SEC24C: variants seen among roughly 807,000 people sequenced by gnomAD.
SEC24C encodes SEC24 homolog C, COPII component.
In SEC24C, 22 loss-of-function variants were observed where a neutral mutation model predicts 117.0. The observed-to-expected ratio is 0.19, with a 90% CI of 0.13 to 0.27. The LOEUF (loss-of-function observed/expected upper bound fraction) is 0.27. Ranked by LOEUF, SEC24C falls within the 10% of genes least tolerant of loss-of-function variation. The pLI is 1.00. For synonymous variants in SEC24C, 506 were observed against 529.4 expected (o/e 0.96, Z 0.61); for missense variants, 1,155 against 1,375.1 (o/e 0.84, Z 2.53).
At position 73,751,121 on chromosome 10, in the gene SEC24C, C is replaced by T. The variant is rs377677743; in HGVS notation, c.186C>T (p.Ala62=). 6.2e-7 allele frequency: 1 copy of T among 1,613,982 alleles called. No homozygotes were observed. The highest frequency in any genetic ancestry group is 8.5e-7 in the Non-Finnish European group (1 of 1,179,894). Residue 62 remains alanine, a synonymous_variant, in exon 3 of 23, where the codon GCC becomes GCT. Transcript: ENST00000345254. ...QQTPPQGMSR[A]PPSSGAPPAS... ...CTTTACCCTCAGGTATGTCAAGAGC[C>T]CCACCTTCCTCGGGGGCACCTCCAG...
At chr10:73,764,341 G>A (rs915319225) in intron 8 of SEC24C, among the ~76,000 whole-genome samples, 7 of 152,074 alleles carry the variant, frequency 4.6e-5, no homozygotes, top group African/African-American at 7.2e-5. Context: ...TGGCTAACAC[G>A]GTGAAACCCC....
intron 3 of SEC24C, among the ~76,000 whole-genome samples, chr10:73,753,175 G>A (rs1206251989): frequency 2.6e-5 from 4 of 151,908 alleles, no homozygotes; most frequent in East Asian, 1.9e-4. Flanking sequence ...TCAGCCTCCC[G>A]AGTAGCTGGG....
intron 15 of SEC24C, among the ~76,000 whole-genome samples, chr10:73,768,243 G>A (rs2082916077): frequency 6.6e-6 from 1 of 152,184 alleles, no homozygotes; most frequent in Admixed American, 6.5e-5. Context: ...AATTAGTCGG[G>A]TGTGGTGGCG....
rs1212568826 is a variant in SEC24C, at chr10:73,765,576, C to G, written c.1353C>G (p.Ser451Arg). ...GGCGTTTCCAGTGCTGTTTTTGCAG[C>G]TGTATCAATGATGGTATGTTCATGG... The part of the protein sequence containing the change: ...GGRRFQCCFC[S>R]CINDVPPQYF... Residue 451 changes from serine (S) to arginine (R), a missense_variant, in exon 9 of 23, where the codon AGC becomes AGG. This residue lies in a region of SEC24C where 759 missense variants were observed against 992.3 expected (regional missense o/e 0.76). Coordinates refer to ENST00000345254, the MANE Select transcript of SEC24C (RefSeq NM_198597.3). The G allele has an allele frequency of 6.2e-7, 1 of 1,613,624 alleles. No individual in the cohort carries two copies. The highest frequency in any genetic ancestry group is 8.5e-7 in the Non-Finnish European group (1 of 1,179,652).
intron 1 of SEC24C, among the ~76,000 whole-genome samples, chr10:73,745,239 G>A (rs2082528617): frequency 6.6e-6 from 1 of 152,082 alleles, no homozygotes; most frequent in African/African-American, 2.4e-5. Flanking sequence ...TTCTTGGAAG[G>A]ACCCTGTTTA....
intron 3 of SEC24C, 32 bp from the exon 4 acceptor site, chr10:73,759,590 A>G: frequency 6.8e-7 from 1 of 1,471,290 alleles, no homozygotes; most frequent in Non-Finnish European, 9.0e-7. Context: ...TCCTGGCCCC[A>G]CTAGTCACCT....
In SEC24C at chr10:73,760,757, C is replaced by T; in HGVS notation, c.895C>T (p.Pro299Ser). 6.2e-7 allele frequency: 1 copy of T among 1,613,944 alleles called. No individual in the cohort carries two copies. The highest frequency in any genetic ancestry group is 8.5e-7 in the Non-Finnish European group (1 of 1,179,958). The change falls in exon 6 of 23, where the codon CCC (proline) becomes TCC (serine). Residue 299 changes from proline (P) to serine (S), a missense_variant. By Grantham distance (74) the Pro-to-Ser change is moderately conservative. Coordinates refer to ENST00000345254, the MANE Select transcript of SEC24C (RefSeq NM_198597.3). ...ARGPQSNYGG[P>S]YPAAPTFGSQ... ...GGGCCCTCAGTCTAATTATGGAGGC[C>T]CCTACCCAGCAGCACCCACCTTTGG...
chr10:73,760,169 C>T lies in SEC24C; in HGVS notation c.633C>T (p.Ser211=), dbSNP rs781173218. The T allele has an allele frequency of 6.2e-7, 1 of 1,614,182 alleles. No homozygotes were observed. Among genetic ancestry groups the T allele is most frequent in the Non-Finnish European group, 8.5e-7 (1 of 1,180,030 alleles). Residue 211 remains serine, a synonymous_variant, in exon 5 of 23, where the codon TCC becomes TCT. Coordinates refer to ENST00000345254, the MANE Select transcript of SEC24C (RefSeq NM_198597.3). ...TPQRSAPSQA[S]SFTPPASGGP... Reference sequence around the variant, plus strand: ...AGCGATCTGCCCCATCACAGGCCTCCAGCTTCACACCCCCAGCTTCAGGGG... The same window carrying T: ...AGCGATCTGCCCCATCACAGGCCTCTAGCTTCACACCCCCAGCTTCAGGGG...
At chr10:73,747,091 C>G (rs2082566267) in intron 2 of SEC24C, 87 bp downstream of exon 2, 1 of 1,282,748 alleles carries the variant, frequency 7.8e-7, no homozygotes. Flanking sequence ...GCTAAGCTAC[C>G]TGAGAAGTTT....
chr10:73,771,240 T>G lies in SEC24C; in HGVS notation c.*145T>G. 3 of 916,304 alleles carry G rather than the reference T, an allele frequency of 3.3e-6. No individual in the cohort carries two copies. Among genetic ancestry groups the G allele is most frequent in the Non-Finnish European group, 3.2e-6 (2 of 615,688 alleles). The allele number at this position is 916,304 out of a possible 1,614,324, so 56.8% of individuals were successfully genotyped here. On this transcript the variant is annotated 3_prime_UTR_variant, in exon 23 of 23. Transcript: ENST00000345254. Reference sequence around the variant, plus strand: ...GGGAGATATAAGGAGACACCTTCTTTCTGGGCTCAAGTATCCTGCCACTCT... The same window carrying G: ...GGGAGATATAAGGAGACACCTTCTTGCTGGGCTCAAGTATCCTGCCACTCT...
chr10:73,760,498 A>T, intron 5 of SEC24C, 112 bp downstream of exon 5: 37 of 1,339,516 alleles, frequency 2.8e-5, no homozygotes, highest in Non-Finnish European at 3.7e-5. Context: ...GGTGAATTAG[A>T]TGGGTAGCTT....
In SEC24C at chr10:73,769,830, CCT is replaced by C. The variant is rs754711999; in HGVS notation, c.2683-4_2683-3del. The C allele has an allele frequency of 2.9e-5, 46 of 1,613,724 alleles. No individual in the cohort carries two copies. The East Asian group carries it at 9.1e-4, about 32-fold the overall frequency. On this transcript the variant is annotated splice_region_variant and splice_polypyrimidine_tract_variant and intron_variant, in intron 19 of 22. Transcript: ENST00000345254. The surrounding 1 kb of genome is among the most constrained non-coding windows in gnomAD (Gnocchi z 4.5). ...ATCATTGACTTTATTTTGATAATCCCCTCAGTTGATCCTTCCTGAGTGCATGA... is the reference window on the plus strand; with the variant it reads ...ATCATTGACTTTATTTTGATAATCCCCAGTTGATCCTTCCTGAGTGCATGA...
chr10:73,766,227 T>C lies in SEC24C; in HGVS notation c.1607+17T>C, dbSNP rs1468045745. The C allele has an allele frequency of 6.2e-7, 1 of 1,607,142 alleles. No homozygotes were observed. Among genetic ancestry groups the C allele is most frequent in the Non-Finnish European group, 8.5e-7 (1 of 1,177,384 alleles). On this transcript the variant is annotated intron_variant, in intron 11 of 22. Coordinates refer to ENST00000345254, the MANE Select transcript of SEC24C (RefSeq NM_198597.3). ...TCTACCTAGGTGAGAGTTACAGAACTGAGGTGTTTCCTGAGGTTAATGATA... is the reference window on the plus strand; with the variant it reads ...TCTACCTAGGTGAGAGTTACAGAACCGAGGTGTTTCCTGAGGTTAATGATA...
In SEC24C at chr10:73,759,138, A is replaced by G. The variant is rs149228420; in HGVS notation, c.309-484A>G. ...CTGAGCCTGGAAAGTTGAGGCTGCA[A>G]TGAGCTGTGATCACACCACTGCACT... On this transcript the variant is annotated intron_variant, in intron 3 of 22. Transcript: ENST00000345254. Among the ~76,000 whole-genome samples the G allele has an allele frequency of 8.7e-3, 1,321 of 152,166 alleles. 11 individuals carry two copies. The highest frequency in any genetic ancestry group is 0.015 in the Admixed American group (226 of 15,286).
At chr10:73,764,877 G>C (rs1168823345) in intron 8 of SEC24C, among the ~76,000 whole-genome samples, 1 of 152,146 alleles carries the variant, frequency 6.6e-6, no homozygotes, top group Admixed American at 6.5e-5. Context: ...GAAGCCAAAG[G>C]CTCAGTTTAT....
rs1422190891 is a variant in SEC24C, at chr10:73,769,492, G to A, written c.2563+7G>A. The A allele has an allele frequency of 6.2e-7, 1 of 1,614,218 alleles. No individual in the cohort carries two copies. The highest frequency in any genetic ancestry group is 8.5e-7 in the Non-Finnish European group (1 of 1,180,032). On this transcript the variant is annotated splice_region_variant and intron_variant, in intron 18 of 22. Transcript: ENST00000345254. This position sits in a 1 kb window ranked among gnomAD's most constrained non-coding sequence, Gnocchi z 4.5. ...AACTACATGGCCAAGTTTGGTGAGG[G>A]TAGAAGCAGGGCAGGGTGGGATTGG...
In SEC24C at chr10:73,771,089, G is replaced by A. The variant is rs1181785283; in HGVS notation, c.3279G>A (p.Leu1093=). Residue 1093 remains leucine (L), a synonymous_variant, in exon 23 of 23, where the codon CTG becomes CTA. Coordinates refer to ENST00000345254, the MANE Select transcript of SEC24C (RefSeq NM_198597.3). ...CHMHKEIRQL[L]S is the part of the protein sequence containing the mutation. ...TGCACAAGGAGATTCGGCAGCTACT[G>A]AGCTAAAGCAAGTGGGTAAATGGCA... 1 of 1,613,894 alleles carries A rather than the reference G, an allele frequency of 6.2e-7. No individual in the cohort carries two copies. Among genetic ancestry groups the A allele is most frequent in the Non-Finnish European group, 8.5e-7 (1 of 1,179,966 alleles).
chr10:73,766,859 G>T lies in SEC24C; in HGVS notation c.1893+6G>T. The stretch of plus-strand genomic sequence containing the variant: ...CTGGAATGGAGGCTCTGAAGGTAAG[G>T]CTGGAGTATCGGGCAACCTCCTCTA... On this transcript the variant is annotated splice_donor_region_variant and intron_variant, in intron 13 of 22. Coordinates refer to ENST00000345254, the MANE Select transcript of SEC24C (RefSeq NM_198597.3). The T allele has an allele frequency of 6.2e-7, 1 of 1,612,928 alleles. No homozygotes were observed. The highest frequency in any genetic ancestry group is 8.5e-7 in the Non-Finnish European group (1 of 1,178,880).
At chr10:73,744,855 C>T (rs1254526017) in intron 1 of SEC24C, among the ~76,000 whole-genome samples, 2 of 152,056 alleles carry the variant, frequency 1.3e-5, no homozygotes, top group Non-Finnish European at 2.9e-5. Flanking sequence ...AGAATGGAGT[C>T]GAGACTTCAG....
Sources: gnomAD v4.1 joint callset for allele counts (sites outside exome capture counted in the v4.1 genomes callset) on GRCh38, gnomAD v4.1.1 for gene constraint, gnomAD v4.1.1 regional missense constraint, Gnocchi (gnomAD v3.1) non-coding constraint, MANE v1.5 for transcripts, NCBI Gene and HGNC (gene_info 2026-07-23, HGNC 2026-07-21) for gene names.